The following RIC1 variants were observed in gnomAD, a reference collection of about 807,000 sequenced individuals.
The protein encoded by RIC1 is RIC1 partner of RAB6A GEF complex.
In RIC1, 88 loss-of-function variants were observed where a neutral mutation model predicts 169.0. That is an observed-to-expected ratio of 0.52 (90% CI 0.44 to 0.62). The LOEUF (loss-of-function observed/expected upper bound fraction) is 0.62, where lower values mean the gene tolerates loss of function less well. Among genes scored for constraint, RIC1 ranks in the 20% least tolerant of loss-of-function variants. The pLI is 0.00. For missense variants in RIC1, 1,877 were observed against 1,725.5 expected (o/e 1.09, Z -1.56); for synonymous variants, 790 against 601.5 (o/e 1.31, Z -4.59).
At chr9:5,760,687 A>G (rs1283843815) in intron 17 of RIC1, among the ~76,000 whole-genome samples, 1 of 152,174 alleles carries the variant, frequency 6.6e-6, no homozygotes, top group Non-Finnish European at 1.5e-5. Flanking sequence ...TTCACTTCTC[A>G]TACCTCCAAA....
chr9:5,729,885 A>G (rs200728740), intron 6 of RIC1, among the ~76,000 whole-genome samples: 1 of 152,036 alleles, frequency 6.6e-6, no homozygotes, highest in Non-Finnish European at 1.5e-5. Context: ...TATATTTGTA[A>G]TTATCTTTGG....
chr9:5,718,514 G>C (rs1039878421), intron 4 of RIC1, among the ~76,000 whole-genome samples: 2 of 152,178 alleles, frequency 1.3e-5, no homozygotes, highest in African/African-American at 4.8e-5. Flanking sequence ...GAGAAAGAAA[G>C]ATGACAGCTG....
intron 2 of RIC1, among the ~76,000 whole-genome samples, chr9:5,689,044 C>CTTTTTTTTTTTTTTTTTTTTTTTTTT (rs34717277): frequency 1.0e-5 from 1 of 99,056 alleles, no homozygotes; most frequent in Non-Finnish European, 1.8e-5. Flanking sequence ...AATACAATTT[C>CTTTTTTTTTTTTTTTTTTTTTTTTTT]TTTTTTTTTT....
chr9:5,671,453 C>T (rs766875336), intron 2 of RIC1, among the ~76,000 whole-genome samples: 15 of 151,846 alleles, frequency 9.9e-5, no homozygotes, highest in Non-Finnish European at 1.9e-4. Context: ...TTTTTGTATT[C>T]TTAGTAGCGA....
At chr9:5,746,950 T>G (rs1321180406) in intron 11 of RIC1, among the ~76,000 whole-genome samples, 2 of 152,142 alleles carry the variant, frequency 1.3e-5, no homozygotes, top group East Asian at 1.9e-4. Flanking sequence ...AAATAATAAT[T>G]TAAAAGCACC....
chr9:5,649,632 C>T (rs1191951450), intron 1 of RIC1, among the ~76,000 whole-genome samples: 4 of 151,378 alleles, frequency 2.6e-5, no homozygotes, highest in Non-Finnish European at 5.9e-5. Flanking sequence ...CACTGAGTGT[C>T]TTTAGTATTA....
intron 3 of RIC1, among the ~76,000 whole-genome samples, chr9:5,693,462 G>A (rs997279928): frequency 1.3e-5 from 2 of 152,086 alleles, no homozygotes; most frequent in Non-Finnish European, 2.9e-5. Flanking sequence ...CTTATTAAGT[G>A]ACTCTGTACC....
At chr9:5,772,507 A>C in intron 23 of RIC1, 57 bp from the exon 24 acceptor site, 1 of 1,386,386 alleles carries the variant, frequency 7.2e-7, no homozygotes. Flanking sequence ...TTTAAAATTA[A>C]AGGAAAATAT....
At chr9:5,671,622 C>A (rs1021354265) in intron 2 of RIC1, among the ~76,000 whole-genome samples, 22 of 152,182 alleles carry the variant, frequency 1.4e-4, no homozygotes, top group Admixed American at 1.2e-3. Context: ...AAAAAAGAAC[C>A]TGTTTTGCAG....
In RIC1 at chr9:5,713,917, G is replaced by A. The variant is rs1261720568; in HGVS notation, c.354G>A (p.Gly118=). ...TTAGAGGAAGTCCACAAATGAAGGG[G>A]ACACCCCATTTTAAGGAAGAACAGT... ...VYPKGSPQMK[G]TPHFKEEQCA... The change falls in exon 4 of 26, where the codon GGG becomes GGA. Residue 118 remains glycine (G), a synonymous_variant. Transcript: ENST00000414202. The A allele has an allele frequency of 5.0e-6, 8 of 1,612,918 alleles. No homozygotes were observed. The East Asian group carries it at 1.6e-4, about 32-fold the overall frequency.
intron 3 of RIC1, among the ~76,000 whole-genome samples, chr9:5,696,273 A>G (rs918484169): frequency 1.3e-5 from 2 of 151,432 alleles, no homozygotes; most frequent in African/African-American, 4.9e-5. Context: ...TTTTTTTTCC[A>G]AAACGAAGTC....
chr9:5,696,511 C>G (rs1459269692), intron 3 of RIC1, among the ~76,000 whole-genome samples: 3 of 152,130 alleles, frequency 2.0e-5, no homozygotes, highest in Non-Finnish European at 4.4e-5. Context: ...ATATCCGCCC[C>G]TGTACCCAAT....
intron 3 of RIC1, among the ~76,000 whole-genome samples, chr9:5,709,129 C>A (rs919008057): frequency 5.3e-5 from 8 of 152,264 alleles, no homozygotes; most frequent in African/African-American, 1.9e-4. Context: ...GCTCTTAAAT[C>A]TTCTGTTCAG....
chr9:5,678,893 G>C (rs558673928), intron 2 of RIC1, among the ~76,000 whole-genome samples: 2 of 151,902 alleles, frequency 1.3e-5, no homozygotes, highest in East Asian at 3.9e-4. Context: ...CATTGCTTTT[G>C]GTGTTTTAGA....
At chr9:5,777,599 C>T (rs139160424), downstream of RIC1, among the ~76,000 whole-genome samples, 37 of 152,104 alleles carry the variant, frequency 2.4e-4, no homozygotes, top group Middle Eastern at 3.4e-3. Flanking sequence ...TGAATATTTA[C>T]GACTAAGTTT....
At chr9:5,732,941 A>C (rs1481985130) in intron 7 of RIC1, among the ~76,000 whole-genome samples, 2 of 152,162 alleles carry the variant, frequency 1.3e-5, no homozygotes, top group Admixed American at 6.5e-5. Context: ...TTTTAGAAAA[A>C]AATTGAATAA....
At position 5,720,457 on chromosome 9, in the gene RIC1, G is replaced by A. The variant is rs953280303; in HGVS notation, c.583+133G>A. The stretch of plus-strand genomic sequence containing the variant: ...AGGTGGGCAGAGTATGAGAGGCGGG[G>A]TGAGAGAGGCATTTAATAGGAAAGG... On this transcript the variant is annotated intron_variant, in intron 5 of 25. Coordinates refer to ENST00000414202, the MANE Select transcript of RIC1 (RefSeq NM_020829.4). The A allele has an allele frequency of 5.3e-6, 6 of 1,127,886 alleles. No homozygotes were observed. In the African/African-American group the frequency reaches 9.5e-5, roughly 18 times the overall value. The allele number at this position is 1,127,886 out of a possible 1,614,324, so 69.9% of individuals were successfully genotyped here. A position where few individuals can be genotyped will look rare whatever the true frequency, so the allele number is the denominator to read the frequency against.
At chr9:5,632,014 T>G (rs972898268) in intron 1 of RIC1, among the ~76,000 whole-genome samples, 6 of 152,186 alleles carry the variant, frequency 3.9e-5, no homozygotes, top group African/African-American at 1.4e-4. Flanking sequence ...CTTTGATTTT[T>G]GAGAGGCTGT....
Position 5,656,672 on chromosome 9 carries a change from T to A in RIC1, c.234T>A (p.Ser78Arg). The A allele has an allele frequency of 6.3e-7, 1 of 1,598,794 alleles. No individual in the cohort carries two copies. The highest frequency in any genetic ancestry group is 8.6e-7 in the Non-Finnish European group (1 of 1,168,568). ...SYKQAEWRPD[S>R]TMIAVSTANG... ...AGCAAGCTGAATGGAGGCCAGATAG[T>A]ACCATGATAGCTGTATCAGTAAGTA... Residue 78 changes from serine to arginine, a missense_variant, in exon 2 of 26, where the codon AGT (serine) becomes AGA (arginine). Physicochemically the swap from Ser to Arg is moderately radical, Grantham distance 110. This residue lies in a region of RIC1 where 1,104 missense variants were observed against 992.0 expected (regional missense o/e 1.11). Transcript: ENST00000414202.
Sources: allele counts gnomAD v4.1 joint callset (sites outside exome capture counted in the v4.1 genomes callset), GRCh38; gene constraint gnomAD v4.1.1; regional missense constraint gnomAD v4.1.1; transcripts MANE v1.5; gene names NCBI Gene and HGNC (gene_info 2026-07-23, HGNC 2026-07-21).